SH3PXD2B: variants seen among roughly 807,000 people sequenced by gnomAD.
The protein encoded by SH3PXD2B is SH3 and PX domain-containing protein 2B.
In SH3PXD2B, 37 loss-of-function variants were observed where a neutral mutation model predicts 73.1. That is an observed-to-expected ratio of 0.51 (90% CI 0.39 to 0.67). The LOEUF (loss-of-function observed/expected upper bound fraction) is 0.67, where lower values mean the gene tolerates loss of function less well. Ranked by LOEUF, SH3PXD2B falls within the 30% of genes least tolerant of loss-of-function variation. The probability of loss-of-function intolerance (pLI) is 0.00; values close to 1 mark genes in which losing one functional copy is unlikely to be tolerated. For missense variants in SH3PXD2B, 1,053 were observed against 1,197.8 expected, an observed-to-expected ratio of 0.88 and a Z score of 1.78; for synonymous variants, 457 against 480.5, an observed-to-expected ratio of 0.95 and a Z score of 0.64.
rs1757203907 is a variant in SH3PXD2B at position 172,353,539 on chromosome 5, G to T, written c.785+349C>A. Among the ~76,000 whole-genome samples, 1 of 152,204 alleles carries T rather than the reference G, an allele frequency of 6.6e-6. No homozygotes were observed. Among genetic ancestry groups the T allele is most frequent in the African/African-American group, 2.4e-5 (1 of 41,446 alleles). Reference sequence around the variant, plus strand: ...GTGTTTATGCACCATCTTGTTCTCAGAATGGGGCGGGAGGGGGCTGTCACT... The same window carrying T: ...GTGTTTATGCACCATCTTGTTCTCATAATGGGGCGGGAGGGGGCTGTCACT... On this transcript the variant is annotated intron_variant, in intron 9 of 12. Coordinates refer to ENST00000311601, the MANE Select transcript of SH3PXD2B (RefSeq NM_001017995.3). The surrounding 1 kb of genome is among the most constrained non-coding windows in gnomAD (Gnocchi z 4.3).
chr5:172,360,950 G>A (rs1306610143), intron 7 of SH3PXD2B, among the ~76,000 whole-genome samples: 1 of 152,288 alleles, frequency 6.6e-6, no homozygotes, highest in East Asian at 1.9e-4. Context: ...ACTGGAGTAC[G>A]AATATGAATA....
intron 1 of SH3PXD2B, among the ~76,000 whole-genome samples, chr5:172,450,052 G>A (rs1759760570): frequency 6.6e-6 from 1 of 152,216 alleles, no homozygotes; most frequent in Non-Finnish European, 1.5e-5. Context: ...GGGCTGTGGT[G>A]GGAAGGGGAT....
chr5:172,350,730 C>T (rs753274507), intron 9 of SH3PXD2B, 141 bp from the exon 10 acceptor site: 12 of 784,314 alleles, frequency 1.5e-5, no homozygotes, highest in South Asian at 3.4e-5. Context: ...GGTTGGCACA[C>T]ACTGTGCATT....
At chr5:172,390,491 C>A (rs748168161) in intron 4 of SH3PXD2B, among the ~76,000 whole-genome samples, 11 of 152,232 alleles carry the variant, frequency 7.2e-5, no homozygotes. Context: ...CTCAAGCAAT[C>A]CTCCTGCCTC....
chr5:172,364,805 G>A (rs1387758794), intron 6 of SH3PXD2B, among the ~76,000 whole-genome samples: 6 of 152,146 alleles, frequency 3.9e-5, no homozygotes, highest in Admixed American at 2.0e-4. Context: ...TTGGTAGCTC[G>A]AAATTGGCCA....
At chr5:172,331,117 C>T (rs375732782), downstream of SH3PXD2B, among the ~76,000 whole-genome samples, 657 of 152,328 alleles carry the variant, frequency 4.3e-3, 5 homozygotes, top group African/African-American at 0.015. Flanking sequence ...ATCGCTTGAA[C>T]CCGGGAGGCA....
chr5:172,348,639 TATCTATCTATCTATC>T, intron 10 of SH3PXD2B, among the ~76,000 whole-genome samples: 1 of 52,022 alleles, frequency 1.9e-5, no homozygotes, highest in African/African-American at 1.6e-4. Flanking sequence ...TCTATCTATG[TATCTATCTATCTATC>T]CTATCTATCT....
At chr5:172,433,827 C>T (rs1021112117) in intron 1 of SH3PXD2B, among the ~76,000 whole-genome samples, 6 of 152,160 alleles carry the variant, frequency 3.9e-5, no homozygotes, top group Non-Finnish European at 7.3e-5. Flanking sequence ...AGAAAGGAAT[C>T]CATGTTGGTT....
At position 172,445,278 on chromosome 5, in the gene SH3PXD2B, G is replaced by A. The variant is rs1759637298; in HGVS notation, c.75+9000C>T. On this transcript the variant is annotated intron_variant, in intron 1 of 12. Transcript: ENST00000311601. The surrounding 1 kb of genome is among the most constrained non-coding windows in gnomAD (Gnocchi z 5.2). ...GGCTGGAGTGCAGTGGCGCAAACAT[G>A]GCTCACTGCAGCCTCCATCTCCTGG... Among the ~76,000 whole-genome samples the A allele has an allele frequency of 6.6e-6, 1 of 152,196 alleles. No individual in the cohort carries two copies. Among genetic ancestry groups the A allele is most frequent in the African/African-American group, 2.4e-5 (1 of 41,440 alleles).
Position 172,338,211 on chromosome 5 carries a change from C to T in SH3PXD2B, c.*158G>A, listed in dbSNP as rs1449362212. The T allele has an allele frequency of 1.3e-5, 20 of 1,525,080 alleles. No individual in the cohort carries two copies. The highest frequency in any genetic ancestry group is 9.8e-5 in the East Asian group (4 of 40,952). The allele number at this position is 1,525,080 out of a possible 1,614,324, so 94.5% of individuals were successfully genotyped here. ...CAGGCCCAGGGGCGCCCGAGGTGTC[C>T]GAAACTCACTCTCCACCCATGGGAG... On this transcript the variant is annotated 3_prime_UTR_variant, in exon 13 of 13. Coordinates refer to ENST00000311601, the MANE Select transcript of SH3PXD2B (RefSeq NM_001017995.3). This position sits in a 1 kb window ranked among gnomAD's most constrained non-coding sequence, Gnocchi z 5.1.
intron 1 of SH3PXD2B, among the ~76,000 whole-genome samples, chr5:172,452,631 C>T (rs541777744): frequency 6.6e-6 from 1 of 152,170 alleles, no homozygotes; most frequent in African/African-American, 2.4e-5. Context: ...CAGAAGAGGG[C>T]GCGTGGACGA....
intron 5 of SH3PXD2B, among the ~76,000 whole-genome samples, chr5:172,374,347 G>A (rs1167412000): frequency 1.3e-5 from 2 of 152,218 alleles, no homozygotes; most frequent in Admixed American, 6.5e-5. Context: ...ATAATGAATA[G>A]TGAGTCCCTT....
rs199627294 is a variant in SH3PXD2B at position 172,394,618 on chromosome 5, C to T, written c.254G>A (p.Ser85Asn). Reference sequence around the variant, plus strand: ...TTTGACAGCCACGTCCCGGATGTGGCTTCGTCTGAAGAGAATCTTACCTGC... The same window carrying T: ...TTTGACAGCCACGTCCCGGATGTGGTTTCGTCTGAAGAGAATCTTACCTGC... ...FLPGKILFRR[S>N]HIRDVAVKRL... The change falls in exon 4 of 13, where the codon AGC becomes AAC. Residue 85 changes from serine to asparagine, a missense_variant. Physicochemically the swap from Ser to Asn is conservative, Grantham distance 46 (BLOSUM62 1). Coordinates refer to ENST00000311601, the MANE Select transcript of SH3PXD2B (RefSeq NM_001017995.3). 1 of 1,614,114 alleles carries T rather than the reference C, an allele frequency of 6.2e-7. No homozygotes were observed. The highest frequency in any genetic ancestry group is 1.3e-5 in the African/African-American group (1 of 75,044).
intron 1 of SH3PXD2B, among the ~76,000 whole-genome samples, chr5:172,423,550 G>GGA (rs1554141219): frequency 3.4e-5 from 5 of 145,928 alleles, no homozygotes; most frequent in African/African-American, 7.7e-5. Context: ...GGGGTTGGGG[G>GGA]GGGGGGCGCA....
At chr5:172,340,617 CAG>C (rs1458143255) in intron 12 of SH3PXD2B, among the ~76,000 whole-genome samples, 1 of 152,138 alleles carries the variant, frequency 6.6e-6, no homozygotes, top group African/African-American at 2.4e-5. Context: ...TTTTTTGAGA[CAG>C]AGTCTTGCTC....
chr5:172,425,447 C>T (rs1759072596), intron 1 of SH3PXD2B, among the ~76,000 whole-genome samples: 1 of 152,090 alleles, frequency 6.6e-6, no homozygotes. Context: ...GGAAGCCTAT[C>T]TGAGGAGGCA....
chr5:172,358,716 A>AT, intron 8 of SH3PXD2B, 57 bp downstream of exon 8: 2 of 1,495,132 alleles, frequency 1.3e-6, no homozygotes, highest in Non-Finnish European at 1.8e-6. Flanking sequence ...GCAACCCAGT[A>AT]TAGGCGATGA....
rs1376900094 is a variant in SH3PXD2B, at chr5:172,338,880, C to T, written c.2225G>A (p.Ser742Asn). Residue 742 changes from serine (S) to asparagine (N), a missense_variant, in exon 13 of 13, where the codon AGC becomes AAC. Ser to Asn is a conservative substitution (Grantham distance 46). Transcript: ENST00000311601. The surrounding 1 kb of genome is among the most constrained non-coding windows in gnomAD (Gnocchi z 5.1). ...AGCCTCTTGGAGAGGAACAGGCACG[C>T]TCTTAGACACAGGATCTGTGGTCTT... ...PAKTTDPVSK[S>N]VPVPLQEAPQ... is the part of the protein sequence containing the mutation. 2 of 1,613,598 alleles carry T rather than the reference C, an allele frequency of 1.2e-6. No individual in the cohort carries two copies. Among genetic ancestry groups the T allele is most frequent in the South Asian group, 1.1e-5 (1 of 91,048 alleles).
Position 172,339,689 on chromosome 5 carries a change from G to A in SH3PXD2B, c.1416C>T (p.Asp472=), listed in dbSNP as rs201664516. 4.1e-5 allele frequency: 66 copies of A among 1,614,240 alleles called. No homozygotes were observed. The highest frequency in any genetic ancestry group is 8.3e-5 in the Admixed American group (5 of 60,030). The change falls in exon 13 of 13, where the codon GAC becomes GAT. Residue 472 remains aspartate, a synonymous_variant. Coordinates refer to ENST00000311601, the MANE Select transcript of SH3PXD2B (RefSeq NM_001017995.3). This position sits in a 1 kb window ranked among gnomAD's most constrained non-coding sequence, Gnocchi z 6.1. ...CCGAGTCCATGACACCATGCGGTGC[G>A]TCAGGCAGGGGCCGGGAGGGGCCCG... ...EATGPSRPLP[D]APHGVMDSGL...
Sources: gnomAD v4.1 joint callset for allele counts (sites outside exome capture counted in the v4.1 genomes callset) on GRCh38, gnomAD v4.1.1 for gene constraint, Gnocchi (gnomAD v3.1) non-coding constraint, MANE v1.5 for transcripts, NCBI Gene and HGNC (gene_info 2026-07-23, HGNC 2026-07-21) for gene names.